PTGFRN: variants seen among roughly 807,000 people sequenced by gnomAD.
PTGFRN encodes prostaglandin F2 receptor inhibitor, also known as prostaglandin F2 receptor negative regulator.
In PTGFRN, 35 loss-of-function variants were observed where a neutral mutation model predicts 83.2. The observed-to-expected ratio is 0.42, with a 90% CI of 0.32 to 0.56. The LOEUF (loss-of-function observed/expected upper bound fraction) is 0.56, where lower values mean the gene tolerates loss of function less well. Ranked by LOEUF, PTGFRN falls within the 20% of genes least tolerant of loss-of-function variation. The probability of loss-of-function intolerance (pLI) is 0.11; values close to 1 mark genes in which losing one functional copy is unlikely to be tolerated. For synonymous variants in PTGFRN, 519 were observed against 498.6 expected, an observed-to-expected ratio of 1.04 and a Z score of -0.55; for missense variants, 1,051 against 1,179.5, an observed-to-expected ratio of 0.89 and a Z score of 1.60.
At chr1:116,926,768 C>T (rs549418920) in intron 1 of PTGFRN, among the ~76,000 whole-genome samples, 5 of 152,186 alleles carry the variant, frequency 3.3e-5, no homozygotes, top group South Asian at 4.2e-4. Flanking sequence ...GTTAGGATTC[C>T]ATTAGGGAAG....
chr1:116,942,031 C>T lies in PTGFRN; in HGVS notation c.366C>T (p.Pro122=). 6.2e-7 allele frequency: 1 copy of T among 1,614,198 alleles called. No homozygotes were observed. The highest frequency in any genetic ancestry group is 8.5e-7 in the Non-Finnish European group (1 of 1,180,030). ...SDQGHYKCST[P]STDATVQGNY... is the part of the protein sequence containing the mutation. Reference sequence around the variant, plus strand: ...AAGGCCACTACAAATGTTCAACCCCCAGCACAGATGCCACTGTCCAGGGAA... The same window carrying T: ...AAGGCCACTACAAATGTTCAACCCCTAGCACAGATGCCACTGTCCAGGGAA... The change falls in exon 2 of 9, where the codon CCC becomes CCT. Residue 122 remains proline (P), a synonymous_variant. Transcript: ENST00000393203.
At chr1:116,971,930 G>A (rs962198514) in intron 6 of PTGFRN, among the ~76,000 whole-genome samples, 1 of 152,152 alleles carries the variant, frequency 6.6e-6, no homozygotes, top group Non-Finnish European at 1.5e-5. Flanking sequence ...AGGGGCCTGA[G>A]CACTAGAAAA....
chr1:116,984,594 A>G, intron 7 of PTGFRN, 86 bp from the exon 8 acceptor site: 2 of 1,330,872 alleles, frequency 1.5e-6, no homozygotes, highest in South Asian at 2.7e-5. Context: ...TGCCATACGT[A>G]GTAAGGGCCT....
intron 1 of PTGFRN, among the ~76,000 whole-genome samples, chr1:116,929,954 G>T (rs990357217): frequency 1.3e-5 from 2 of 152,108 alleles, no homozygotes; most frequent in Non-Finnish European, 2.9e-5. Flanking sequence ...TTGAAAATGC[G>T]CTTTCCTGGA....
At chr1:116,970,532 A>G (rs1650964724) in intron 6 of PTGFRN, among the ~76,000 whole-genome samples, 1 of 152,122 alleles carries the variant, frequency 6.6e-6, no homozygotes, top group Non-Finnish European at 1.5e-5. Context: ...AGTATTTTGT[A>G]TCTATTTCTG....
chr1:116,964,036 G>A (rs992645640), intron 5 of PTGFRN, among the ~76,000 whole-genome samples: 13 of 151,688 alleles, frequency 8.6e-5, no homozygotes, highest in Admixed American at 7.9e-4. Context: ...TGCCTTAGTC[G>A]CCCGAAGTGC....
intron 1 of PTGFRN, among the ~76,000 whole-genome samples, chr1:116,917,017 G>A (rs1375528944): frequency 6.6e-6 from 1 of 152,078 alleles, no homozygotes; most frequent in African/African-American, 2.4e-5. Flanking sequence ...AAGAAGTACT[G>A]GGAGAGCACG....
rs1650385572 is a variant in PTGFRN, at chr1:116,952,847, A to G, written c.1213+3275A>G. On this transcript the variant is annotated intron_variant, in intron 4 of 8. Transcript: ENST00000393203. The surrounding 1 kb of genome is among the most constrained non-coding windows in gnomAD (Gnocchi z 4.0). ...ATGTTTCTTATATCCACCCTCTATA[A>G]AAGCTGAGGACATAAATCTTAAGTG... 6.6e-6 allele frequency among the ~76,000 whole-genome samples: 1 copy of G among 152,214 alleles called. No individual in the cohort carries two copies. Among genetic ancestry groups the G allele is most frequent in the Non-Finnish European group, 1.5e-5 (1 of 68,044 alleles).
intron 7 of PTGFRN, among the ~76,000 whole-genome samples, chr1:116,981,037 A>C (rs1356735984): frequency 6.6e-6 from 1 of 152,112 alleles, no homozygotes; most frequent in African/African-American, 2.4e-5. Context: ...AATCATTATA[A>C]ATTTTTTCTT....
chr1:116,974,746 G>C (rs567990687), intron 7 of PTGFRN, among the ~76,000 whole-genome samples: 32 of 152,218 alleles, frequency 2.1e-4, no homozygotes, highest in Middle Eastern at 3.2e-3. Flanking sequence ...TCAGGGGGCA[G>C]TTCCAAGATG....
At chr1:116,932,355 G>A (rs200945775) in intron 1 of PTGFRN, among the ~76,000 whole-genome samples, 1 of 152,196 alleles carries the variant, frequency 6.6e-6, no homozygotes, top group East Asian at 1.9e-4. Flanking sequence ...ATAGAAGAAA[G>A]TCGAAGGCAT....
intron 7 of PTGFRN, among the ~76,000 whole-genome samples, chr1:116,978,989 A>C (rs1389230835): frequency 6.6e-6 from 1 of 152,348 alleles, no homozygotes; most frequent in East Asian, 1.9e-4. Context: ...GTCTCAGCCC[A>C]AAATCTTAAG....
intron 7 of PTGFRN, among the ~76,000 whole-genome samples, chr1:116,978,168 A>G: frequency 1.3e-5 from 2 of 152,176 alleles, no homozygotes; most frequent in African/African-American, 4.8e-5. Context: ...CCAAGACTAA[A>G]CCAGGAAGAA....
At chr1:116,933,162 T>G (rs2101058443) in intron 1 of PTGFRN, among the ~76,000 whole-genome samples, 1 of 152,314 alleles carries the variant, frequency 6.6e-6, no homozygotes, top group East Asian at 1.9e-4. Context: ...AAATAAATAC[T>G]ATGAGAAATG....
intron 1 of PTGFRN, among the ~76,000 whole-genome samples, chr1:116,913,448 G>A (rs1467097854): frequency 2.0e-5 from 3 of 148,988 alleles, no homozygotes; most frequent in Non-Finnish European, 4.4e-5. Context: ...GGGGGAGGAG[G>A]AAATAATGGG....
In PTGFRN at chr1:116,988,082, C is replaced by A. The variant is rs777900194; in HGVS notation, c.*1115C>A. ...TAACCTGAAGGCAAATTGCTACTTG[C>A]AAGACTGACTGACTTCAAGGAATCA... On this transcript the variant is annotated 3_prime_UTR_variant, in exon 9 of 9. Transcript: ENST00000393203. The A allele has an allele frequency of 5.3e-5, 8 of 152,176 alleles. No individual in the cohort carries two copies. Among genetic ancestry groups the A allele is most frequent in the Non-Finnish European group, 8.8e-5 (6 of 68,032 alleles). 9.4% of individuals were successfully genotyped at this position (152,176 alleles called of 1,614,324 possible).
rs1650155484 is a variant in PTGFRN, at chr1:116,944,919, T to C, written c.659T>C (p.Val220Ala). The change falls in exon 3 of 9, where the codon GTG becomes GCG. Residue 220 changes from valine to alanine, a missense_variant. Physicochemically the swap from Val to Ala is moderately conservative, Grantham distance 64 (BLOSUM62 0). This residue lies in a region of PTGFRN where 205 missense variants were observed against 174.5 expected (regional missense o/e 1.17). Coordinates refer to ENST00000393203, the MANE Select transcript of PTGFRN (RefSeq NM_020440.4). ...GYEQRYHSGD[V>A]RLDTVGSDAY... ...GAGCAGCGCTACCACAGTGGGGACG[T>C]GCGCCTCGACACCGTGGGCAGCGAC... 6.2e-7 allele frequency: 1 copy of C among 1,612,678 alleles called. No homozygotes were observed.
intron 2 of PTGFRN, among the ~76,000 whole-genome samples, chr1:116,942,307 C>CAT (rs1650083803): frequency 6.6e-6 from 1 of 152,182 alleles, no homozygotes; most frequent in Non-Finnish European, 1.5e-5. Flanking sequence ...CCTTTCTCTT[C>CAT]ACTCCGGTAT....
chr1:116,971,437 A>G (rs1158543036), intron 6 of PTGFRN, among the ~76,000 whole-genome samples: 1 of 152,192 alleles, frequency 6.6e-6, no homozygotes, highest in Non-Finnish European at 1.5e-5. Flanking sequence ...TACTCTCTGC[A>G]GACTAGGAAT....
Sources: gnomAD v4.1 joint callset for allele counts (sites outside exome capture counted in the v4.1 genomes callset) on GRCh38, gnomAD v4.1.1 for gene constraint, gnomAD v4.1.1 regional missense constraint, Gnocchi (gnomAD v3.1) non-coding constraint, MANE v1.5 for transcripts, NCBI Gene and HGNC (gene_info 2026-07-23, HGNC 2026-07-21) for gene names.